The following GRAP2 variants were observed in gnomAD, a reference collection of about 807,000 sequenced individuals.
GRAP2 encodes the protein GRB2 related adaptor protein 2.
GRAP2 carries 31 observed loss-of-function variants against 43.5 expected under a neutral mutation model. That is an observed-to-expected ratio of 0.71 (90% confidence interval 0.54 to 0.96). The LOEUF is 0.96. Among genes scored for constraint, GRAP2 ranks in the 40% least tolerant of loss-of-function variants. The pLI, the probability that GRAP2 is intolerant of heterozygous loss-of-function variation, is 0.00. For missense variants in GRAP2, 371 were observed against 424.4 expected (o/e 0.87, Z 1.11); for synonymous variants, 156 against 164.8 (o/e 0.95, Z 0.41).
intron 1 of GRAP2, among the ~76,000 whole-genome samples, chr22:39,934,706 G>A (rs768043969): frequency 1.3e-5 from 2 of 152,032 alleles, no homozygotes; most frequent in Non-Finnish European, 2.9e-5. Flanking sequence ...AGTTATTGTT[G>A]CTTAATTCCC....
chr22:39,928,362 A>G (rs555455630), intron 1 of GRAP2, among the ~76,000 whole-genome samples: 89 of 152,334 alleles, frequency 5.8e-4, no homozygotes, highest in Non-Finnish European at 1.1e-3. Flanking sequence ...GAACCATGGC[A>G]GAGGCAGATG....
intron 1 of GRAP2, among the ~76,000 whole-genome samples, chr22:39,926,109 T>C (rs1286264562): frequency 6.6e-6 from 1 of 152,256 alleles, no homozygotes; most frequent in Non-Finnish European, 1.5e-5. Context: ...TGGGTATGCA[T>C]CATTGAATAC....
rs933173409 is a variant in GRAP2 at position 39,973,519 on chromosome 22, T to G, written c.*2435T>G. The G allele has an allele frequency of 6.6e-6, 1 of 152,184 alleles. No individual in the cohort carries two copies. Among genetic ancestry groups the G allele is most frequent in the Non-Finnish European group, 1.5e-5 (1 of 68,034 alleles). The allele number at this position is 152,184 out of a possible 1,614,324, so 9.4% of individuals were successfully genotyped here. The stretch of plus-strand genomic sequence containing the variant: ...TGTAGCAAAAGCTACTGAAGAGTAT[T>G]TTGTACTGAGATGCCAAAGCATCTT... On this transcript the variant is annotated 3_prime_UTR_variant, in exon 8 of 8. Coordinates refer to ENST00000344138, the MANE Select transcript of GRAP2 (RefSeq NM_004810.4).
At chr22:39,950,970 T>C (rs2066976309) in intron 2 of GRAP2, among the ~76,000 whole-genome samples, 1 of 152,262 alleles carries the variant, frequency 6.6e-6, no homozygotes. Flanking sequence ...CCTTTTGTGC[T>C]AAAGACTAAA....
At chr22:39,966,905 A>C (rs1346839998) in intron 5 of GRAP2, among the ~76,000 whole-genome samples, 2 of 152,180 alleles carry the variant, frequency 1.3e-5, no homozygotes, top group Non-Finnish European at 2.9e-5. Context: ...AAATGACTTA[A>C]TACAGCTAAG....
intron 1 of GRAP2, among the ~76,000 whole-genome samples, chr22:39,940,210 A>G (rs2066853075): frequency 6.6e-6 from 1 of 152,210 alleles, no homozygotes; most frequent in African/African-American, 2.4e-5. Flanking sequence ...CTTGGTAGAC[A>G]TTCAGTAAGA....
chr22:39,926,650 G>T, intron 1 of GRAP2: 9 of 985,016 alleles, frequency 9.1e-6, no homozygotes, highest in Non-Finnish European at 9.6e-6. Context: ...TTCCTCAATC[G>T]CTGGCTCTCA....
At chr22:39,909,701 CA>C (rs141283097) in intron 1 of GRAP2, among the ~76,000 whole-genome samples, 1 of 151,860 alleles carries the variant, frequency 6.6e-6, no homozygotes, top group African/African-American at 2.4e-5. Flanking sequence ...AACAAACAAA[CA>C]AAAAAATGGT....
At chr22:39,907,243 C>T (rs1370636552) in intron 1 of GRAP2, among the ~76,000 whole-genome samples, 2 of 152,244 alleles carry the variant, frequency 1.3e-5, no homozygotes, top group South Asian at 2.1e-4. Context: ...GGGAGTGTCA[C>T]AGACACATTC....
intron 1 of GRAP2, among the ~76,000 whole-genome samples, chr22:39,910,857 C>T (rs1038163914): frequency 3.3e-5 from 5 of 152,160 alleles, no homozygotes; most frequent in African/African-American, 1.2e-4. Flanking sequence ...GTATTAGCTT[C>T]CCCTCCCTGC....
chr22:39,957,593 G>A (rs747479841), intron 3 of GRAP2, among the ~76,000 whole-genome samples: 1 of 152,004 alleles, frequency 6.6e-6, no homozygotes. Context: ...AAACACACAC[G>A]CTGCAATTTC....
At chr22:39,911,094 T>G (rs1197991993) in intron 1 of GRAP2, among the ~76,000 whole-genome samples, 1 of 152,186 alleles carries the variant, frequency 6.6e-6, no homozygotes, top group East Asian at 1.9e-4. Context: ...GTTCGATGTC[T>G]GCAAAACCCT....
intron 1 of GRAP2, among the ~76,000 whole-genome samples, chr22:39,935,113 G>A (rs1362646106): frequency 1.3e-5 from 2 of 152,214 alleles, no homozygotes; most frequent in Non-Finnish European, 2.9e-5. Flanking sequence ...ATGAAGGGTG[G>A]TCAAGGACTC....
chr22:39,917,174 A>C (rs1483696682), intron 1 of GRAP2, among the ~76,000 whole-genome samples: 1 of 152,218 alleles, frequency 6.6e-6, no homozygotes, highest in African/African-American at 2.4e-5. Flanking sequence ...CAATTATTTG[A>C]GGGATTTACT....
At chr22:39,949,109 C>G (rs1267436606) in intron 2 of GRAP2, among the ~76,000 whole-genome samples, 1 of 152,154 alleles carries the variant, frequency 6.6e-6, no homozygotes, top group Non-Finnish European at 1.5e-5. Flanking sequence ...CACATGAACT[C>G]CAGCCCCTAA....
At chr22:39,940,479 TA>T (rs1187237642) in intron 1 of GRAP2, among the ~76,000 whole-genome samples, 1 of 150,888 alleles carries the variant, frequency 6.6e-6, no homozygotes, top group Non-Finnish European at 1.5e-5. Context: ...AGGCGAGCCA[TA>T]AGGTAGTTGT....
upstream of GRAP2, among the ~76,000 whole-genome samples, chr22:39,900,092 CT>C (rs1428121158): frequency 2.0e-5 from 3 of 152,082 alleles, no homozygotes; most frequent in African/African-American, 7.2e-5. Context: ...TTCTTCTTTT[CT>C]ATTTCAATAA....
chr22:39,895,727 A>G, the GRAP2 span, among the ~76,000 whole-genome samples: 1 of 152,306 alleles, frequency 6.6e-6, no homozygotes, highest in South Asian at 2.1e-4. Context: ...ATGCTGAGCT[A>G]TGAGACTAGA....
At chr22:39,956,897 C>T (rs2067059302) in intron 3 of GRAP2, among the ~76,000 whole-genome samples, 1 of 152,134 alleles carries the variant, frequency 6.6e-6, no homozygotes, top group African/African-American at 2.4e-5. Context: ...CTCCTAAGCG[C>T]TTCTCTGTGA....
Sources: allele counts gnomAD v4.1 joint callset (sites outside exome capture counted in the v4.1 genomes callset), GRCh38; gene constraint gnomAD v4.1.1; transcripts MANE v1.5; gene names NCBI Gene and HGNC (gene_info 2026-07-23, HGNC 2026-07-21).